Variants in COL3A1 observed in about 807,000 individuals in gnomAD.
COL3A1 encodes collagen alpha-1(III) chain.
In COL3A1, 46 loss-of-function variants were observed where a neutral mutation model predicts 200.9. The ratio of observed to expected loss-of-function variants is 0.23; its 90% CI spans 0.18 to 0.29. The LOEUF (loss-of-function observed/expected upper bound fraction) is 0.29. Among genes scored for constraint, COL3A1 ranks in the 10% least tolerant of loss-of-function variants. COL3A1 has a pLI of 1.00. For missense variants in COL3A1, 1,367 were observed against 1,917.6 expected, an observed-to-expected ratio of 0.71 and a Z score of 5.36; for synonymous variants, 650 against 628.0, an observed-to-expected ratio of 1.03 and a Z score of -0.52.
chr2:189,005,273 A>T, intron 40 of COL3A1, 77 bp from the exon 41 acceptor site: 1 of 1,309,078 alleles, frequency 7.6e-7, no homozygotes, highest in South Asian at 1.2e-5. Flanking sequence ...TTTACCTGAA[A>T]ATAAAGATAT....
Position 189,009,069 on chromosome 2 carries a change from C to A in COL3A1, c.3671C>A (p.Pro1224Gln). The change falls in exon 48 of 51, where the codon CCA (proline) becomes CAA (glutamine). Residue 1224 changes from proline (P) to glutamine (Q), a missense_variant. Pro to Gln is a moderately conservative substitution (Grantham distance 76). Transcript: ENST00000304636. ...TTTGCCCCGTATTATGGAGATGAAC[C>A]AATGGATTTCAAAATCAACACCGAT... Reference protein sequence around the residue: ...GGFAPYYGDEPMDFKINTDEI... With the variant: ...GGFAPYYGDEQMDFKINTDEI... The A allele has an allele frequency of 6.2e-7, 1 of 1,614,154 alleles. No individual in the cohort carries two copies. Among genetic ancestry groups the A allele is most frequent in the Non-Finnish European group, 8.5e-7 (1 of 1,180,026 alleles).
At chr2:188,987,756 G>A (rs1245064428) in intron 5 of COL3A1, among the ~76,000 whole-genome samples, 2 of 152,060 alleles carry the variant, frequency 1.3e-5, no homozygotes, top group Non-Finnish European at 2.9e-5. Flanking sequence ...TTCTTCACCA[G>A]TGCAATATAA....
In COL3A1 at chr2:188,998,328, C is replaced by G. The variant is rs184223621; in HGVS notation, c.1977+9C>G. 2 of 1,612,002 alleles carry G rather than the reference C, an allele frequency of 1.2e-6. No individual in the cohort carries two copies. The highest frequency in any genetic ancestry group is 4.5e-5 in the East Asian group (2 of 44,830). Reference sequence around the variant, plus strand: ...GAAAACCTGGGGAACCAGTAAGTTACGTTTCATTATTCAAAACTCAGAAAC... The same window carrying G: ...GAAAACCTGGGGAACCAGTAAGTTAGGTTTCATTATTCAAAACTCAGAAAC... On this transcript the variant is annotated intron_variant, in intron 28 of 50. Transcript: ENST00000304636.
At chr2:189,004,485 T>A (rs1282477955) in intron 40 of COL3A1, 121 bp downstream of exon 40, 5 of 922,556 alleles carry the variant, frequency 5.4e-6, no homozygotes, top group Non-Finnish European at 1.6e-6. Context: ...GAGATAATTT[T>A]TTTTTATTTT....
rs757241017 is a variant in COL3A1, at chr2:189,010,696, C to G, written c.4060C>G (p.Leu1354Val). 6.2e-7 allele frequency: 1 copy of G among 1,614,096 alleles called. No homozygotes were observed. Among genetic ancestry groups the G allele is most frequent in the South Asian group, 1.1e-5 (1 of 91,086 alleles). The part of the protein sequence containing the change: ...ELPEDVLDVH[L>V]AFLRLLSSRA... Reference sequence around the variant, plus strand: ...TCCTGAAGATGTCCTTGATGTGCATCTGGCATTCCTTCGACTTCTCTCCAG... The same window carrying G: ...TCCTGAAGATGTCCTTGATGTGCATGTGGCATTCCTTCGACTTCTCTCCAG... The change falls in exon 50 of 51, where the codon CTG becomes GTG. Residue 1354 changes from leucine (L) to valine (V), a missense_variant. Coordinates refer to ENST00000304636, the MANE Select transcript of COL3A1 (RefSeq NM_000090.4).
chr2:188,980,573 A>G (rs1269506400), intron 1 of COL3A1, among the ~76,000 whole-genome samples: 1 of 148,534 alleles, frequency 6.7e-6, no homozygotes, highest in African/African-American at 2.5e-5. Flanking sequence ...TACAAATGAT[A>G]ATTTATCAAC....
chr2:188,990,516 C>G (rs370345165), intron 10 of COL3A1, among the ~76,000 whole-genome samples, 156 bp downstream of exon 10: 1 of 152,102 alleles, frequency 6.6e-6, no homozygotes, highest in Non-Finnish European at 1.5e-5. Context: ...GTTGACCAAA[C>G]TAGTCATTTT....
In COL3A1 at chr2:189,003,791, A is replaced by C; in HGVS notation, c.2661+4A>C. On this transcript the variant is annotated splice_donor_region_variant and intron_variant, in intron 38 of 50. Coordinates refer to ENST00000304636, the MANE Select transcript of COL3A1 (RefSeq NM_000090.4). ...TCCTGGTCCTCCTGGTAGTAATGTA[A>C]GTAATTGTTAAAGTCTTTTCTCATC... is the stretch of plus-strand genomic sequence containing the variant. 6.2e-7 allele frequency: 1 copy of C among 1,614,018 alleles called. No individual in the cohort carries two copies. Among genetic ancestry groups the C allele is most frequent in the Non-Finnish European group, 8.5e-7 (1 of 1,179,924 alleles).
chr2:188,991,686 T>C lies in COL3A1; in HGVS notation c.915T>C (p.Pro305=). ...CTCTGTAGGGTCCAAGAGGGGCTCC[T>C]GGTGAGCGAGGACGGCCAGGACTTC... The part of the protein sequence containing the change: ...APGPMGPRGA[P]GERGRPGLPG... The change falls in exon 13 of 51, where the codon CCT becomes CCC. Residue 305 remains proline, a synonymous_variant. Coordinates refer to ENST00000304636, the MANE Select transcript of COL3A1 (RefSeq NM_000090.4). The C allele has an allele frequency of 3.1e-6, 5 of 1,614,014 alleles. No individual in the cohort carries two copies. Among genetic ancestry groups the C allele is most frequent in the Non-Finnish European group, 4.2e-6 (5 of 1,179,940 alleles).
intron 26 of COL3A1, 50 bp from the exon 27 acceptor site, chr2:188,997,650 C>A: frequency 1.9e-6 from 3 of 1,562,254 alleles, no homozygotes; most frequent in Non-Finnish European, 2.6e-6. Flanking sequence ...ATACTGTAGA[C>A]TAAATATAAA....
intron 50 of COL3A1, 108 bp from the exon 51 acceptor site, chr2:189,011,520 C>T (rs2153504424): frequency 1.6e-6 from 2 of 1,251,850 alleles, no homozygotes; most frequent in South Asian, 1.2e-5. Context: ...AATAACATGG[C>T]ACGATGAATG....
In COL3A1 at chr2:188,999,110, C is replaced by A. The variant is rs41263771; in HGVS notation, c.2023-175C>A. 4.1e-3 allele frequency among the ~76,000 whole-genome samples: 631 copies of A among 152,312 alleles called. 4 individuals carry two copies. Among genetic ancestry groups the A allele is most frequent in the African/African-American group, 0.014 (587 of 41,568 alleles). ...CTAAGTATCCAAGTTTTATTTTAGA[C>A]ACTCTTTTAAGCTTCTAGTTCCCAC... On this transcript the variant is annotated intron_variant, in intron 29 of 50. Coordinates refer to ENST00000304636, the MANE Select transcript of COL3A1 (RefSeq NM_000090.4).
In COL3A1 at chr2:189,003,118, T is replaced by A. The variant is rs3736489; in HGVS notation, c.2553+56T>A. On this transcript the variant is annotated intron_variant, in intron 36 of 50. Coordinates refer to ENST00000304636, the MANE Select transcript of COL3A1 (RefSeq NM_000090.4). ...ATCTATCATCTATCTATCTATTGAT[T>A]ATCTGTCTATCTCTCCCTCTCTCTC... 347,317 of 1,335,074 alleles carry A rather than the reference T, an allele frequency of 0.26. 46,234 individuals are homozygous for A. Among genetic ancestry groups the A allele is most frequent in the South Asian group, 0.39 (30,762 of 79,656 alleles). The allele number at this position is 1,335,074 out of a possible 1,614,324, so 82.7% of individuals were successfully genotyped here.
rs41265555 is a variant in COL3A1 at position 189,012,128 on chromosome 2, C to T, written c.*354C>T. The stretch of plus-strand genomic sequence containing the variant: ...GACTGTGCTCACCAGTAAAAGATAA[C>T]CTTTCTTTCTGAAATAGTCAAATAC... On this transcript the variant is annotated 3_prime_UTR_variant, in exon 51 of 51. Transcript: ENST00000304636. 5.8e-3 allele frequency: 1,243 copies of T among 212,524 alleles called. 5 individuals carry two copies. The highest frequency in any genetic ancestry group is 8.9e-3 in the Non-Finnish European group (936 of 104,700). The allele number at this position is 212,524 out of a possible 1,614,324, so 13.2% of individuals were successfully genotyped here. A position where few individuals can be genotyped will look rare whatever the true frequency, so the allele number is the denominator to read the frequency against.
At chr2:188,992,759 TA>T in intron 14 of COL3A1, 127 bp from the exon 15 acceptor site, 1 of 804,086 alleles carries the variant, frequency 1.2e-6, no homozygotes, top group Non-Finnish European at 2.2e-6. Flanking sequence ...ATAATATCCA[TA>T]AAATATGAAT....
intron 8 of COL3A1, among the ~76,000 whole-genome samples, chr2:188,989,877 T>C (rs1042477675): frequency 6.6e-6 from 1 of 152,152 alleles, no homozygotes; most frequent in Admixed American, 6.6e-5. Context: ...GTTATTTCAG[T>C]GATTAGAAGC....
At chr2:189,004,931 C>A (rs1207646093) in intron 40 of COL3A1, among the ~76,000 whole-genome samples, 1 of 152,060 alleles carries the variant, frequency 6.6e-6, no homozygotes, top group East Asian at 1.9e-4. Flanking sequence ...ATTAATATTT[C>A]ATATTTAAGT....
At chr2:189,002,918 G>A (rs1033633469) in intron 35 of COL3A1, 37 bp from the exon 36 acceptor site, 1 of 1,367,964 alleles carries the variant, frequency 7.3e-7, no homozygotes, top group Admixed American at 2.0e-5. Flanking sequence ...ATCATAAAGA[G>A]TGTCAGCTGA....
intron 15 of COL3A1, 144 bp downstream of exon 15, chr2:188,993,084 C>T (rs1400047838): frequency 1.3e-6 from 1 of 789,830 alleles, no homozygotes; most frequent in Admixed American, 2.3e-5. Flanking sequence ...ATTCTTGATT[C>T]TAAAAGAGGT....
Sources: gnomAD v4.1 joint callset for allele counts (sites outside exome capture counted in the v4.1 genomes callset) on GRCh38, gnomAD v4.1.1 for gene constraint, MANE v1.5 for transcripts, NCBI Gene and HGNC (gene_info 2026-07-23, HGNC 2026-07-21) for gene names.